Variants in ONECUT3 observed in about 807,000 individuals in gnomAD.
The protein encoded by ONECUT3 is one cut homeobox 3.
In ONECUT3, 11 loss-of-function variants were observed where a neutral mutation model predicts 16.8. That is an observed-to-expected ratio of 0.66 (90% confidence interval 0.41 to 1.09). The LOEUF is 1.09. Among genes scored for constraint, ONECUT3 ranks in the 50% least tolerant of loss-of-function variants. The pLI is 0.00. For synonymous variants in ONECUT3, 344 were observed against 310.7 expected, an observed-to-expected ratio of 1.11 and a Z score of -1.13; for missense variants, 637 against 629.9, an observed-to-expected ratio of 1.01 and a Z score of -0.12.
At chr19:1,772,557 A>T (rs948661729) in intron 1 of ONECUT3, among the ~76,000 whole-genome samples, 2 of 151,568 alleles carry the variant, frequency 1.3e-5, no homozygotes, top group Admixed American at 6.6e-5. Flanking sequence ...CTCTTCCTCT[A>T]TTTTTGAACT....
At chr19:1,760,803 G>C (rs554456290) in intron 1 of ONECUT3, among the ~76,000 whole-genome samples, 10 of 152,246 alleles carry the variant, frequency 6.6e-5, no homozygotes, top group African/African-American at 2.2e-4. Context: ...AGACAGGGAC[G>C]CTCGCCCCCA....
rs1486852036 is a variant in ONECUT3, at chr19:1,755,013, G to A, written c.1192+159G>A. ...CTATCAGGAAGCTAGACCGCGATCCGCGCCGCTGCCCGTTTGTACCGTTGC... is the reference window on the plus strand; with the variant it reads ...CTATCAGGAAGCTAGACCGCGATCCACGCCGCTGCCCGTTTGTACCGTTGC... On this transcript the variant is annotated intron_variant, in intron 1 of 1. Transcript: ENST00000382349. This position sits in a 1 kb window ranked among gnomAD's most constrained non-coding sequence, Gnocchi z 7.5. 6.6e-6 allele frequency among the ~76,000 whole-genome samples: 1 copy of A among 152,084 alleles called. No homozygotes were observed. Among genetic ancestry groups the A allele is most frequent in the Non-Finnish European group, 1.5e-5 (1 of 67,992 alleles).
Position 1,754,545 on chromosome 19 carries a change from G to GCGCACGGGC in ONECUT3, c.892_900dup (p.Pro298_Gly300dup), listed in dbSNP as rs1278794074. 1.0e-6 allele frequency: 1 copy of GCGCACGGGC among 982,872 alleles called. No individual in the cohort carries two copies. Among genetic ancestry groups the GCGCACGGGC allele is most frequent in the Non-Finnish European group, 1.2e-6 (1 of 829,752 alleles). 60.9% of individuals were successfully genotyped at this position (982,872 alleles called of 1,614,324 possible). On this transcript the variant is annotated inframe_insertion, in exon 1 of 2. Coordinates refer to ENST00000382349, the MANE Select transcript of ONECUT3 (RefSeq NM_001080488.2). The surrounding 1 kb of genome is among the most constrained non-coding windows in gnomAD (Gnocchi z 7.4). ...GCTGGGCGGGCTGGCGGCGGCCGGG[G>GCGCACGGGC]CGCACGGGCCGCACGGGGGAGGCGG...
At position 1,766,997 on chromosome 19, in the gene ONECUT3, G is replaced by A. The variant is rs1004426075; in HGVS notation, c.1193-8156G>A. On this transcript the variant is annotated intron_variant, in intron 1 of 1. Transcript: ENST00000382349. The surrounding 1 kb of genome is among the most constrained non-coding windows in gnomAD (Gnocchi z 4.0). ...GAGGAGGGGCCCCGGGCTCCGCTGCGGGGGGAGGGAGGGACTTCCTGGGGA... is the reference window on the plus strand; with the variant it reads ...GAGGAGGGGCCCCGGGCTCCGCTGCAGGGGGAGGGAGGGACTTCCTGGGGA... Among the ~76,000 whole-genome samples, 2 of 151,364 alleles carry A rather than the reference G, an allele frequency of 1.3e-5. No homozygotes were observed. Among genetic ancestry groups the A allele is most frequent in the African/African-American group, 2.4e-5 (1 of 41,196 alleles).
chr19:1,778,867 C>CACAA lies in ONECUT3; in HGVS notation c.*3425_*3426insAACA, dbSNP rs2145158133. ...GGATCCTTTTCAGATATCTTCGTAT[C>CACAA]ACACACACACACACACACACACACA... On this transcript the variant is annotated 3_prime_UTR_variant, in exon 2 of 2. Coordinates refer to ENST00000382349, the MANE Select transcript of ONECUT3 (RefSeq NM_001080488.2). The CACAA allele has an allele frequency of 1.1e-4, 1 of 8,792 alleles. No individual in the cohort carries two copies. The highest frequency in any genetic ancestry group is 9.8e-4 in the Admixed American group (1 of 1,024). 0.5% of individuals were successfully genotyped at this position (8,792 alleles called of 1,614,324 possible).
intron 1 of ONECUT3, among the ~76,000 whole-genome samples, chr19:1,763,790 C>G (rs11881895): frequency 0.047 from 7,121 of 151,140 alleles, 480 homozygotes; most frequent in East Asian, 0.24. Context: ...TTCTTCCCCC[C>G]GGCTCAGATC....
chr19:1,756,940 C>T (rs10409854), intron 1 of ONECUT3, among the ~76,000 whole-genome samples: 103 of 152,320 alleles, frequency 6.8e-4, no homozygotes, highest in African/African-American at 2.4e-3. Flanking sequence ...CTCCTGCCTC[C>T]TCTCTAGCAC....
Position 1,762,696 on chromosome 19 carries a change from G to A in ONECUT3, c.1192+7842G>A, listed in dbSNP as rs2067952759. On this transcript the variant is annotated intron_variant, in intron 1 of 1. Transcript: ENST00000382349. This position sits in a 1 kb window ranked among gnomAD's most constrained non-coding sequence, Gnocchi z 4.4. Reference sequence around the variant, plus strand: ...TTGGAGCCTCAGGGTCACTGGTGCGGGCTCCGCAGGAAAGCGCAGCCCCCA... The same window carrying A: ...TTGGAGCCTCAGGGTCACTGGTGCGAGCTCCGCAGGAAAGCGCAGCCCCCA... Among the ~76,000 whole-genome samples, 1 of 152,238 alleles carries A rather than the reference G, an allele frequency of 6.6e-6. No individual in the cohort carries two copies. The highest frequency in any genetic ancestry group is 1.5e-5 in the Non-Finnish European group (1 of 68,042).
At position 1,758,096 on chromosome 19, in the gene ONECUT3, G is replaced by A. The variant is rs1895887006; in HGVS notation, c.1192+3242G>A. Among the ~76,000 whole-genome samples, 1 of 152,190 alleles carries A rather than the reference G, an allele frequency of 6.6e-6. No individual in the cohort carries two copies. Among genetic ancestry groups the A allele is most frequent in the Non-Finnish European group, 1.5e-5 (1 of 68,018 alleles). On this transcript the variant is annotated intron_variant, in intron 1 of 1. Transcript: ENST00000382349. The surrounding 1 kb of genome is among the most constrained non-coding windows in gnomAD (Gnocchi z 5.9). Reference sequence around the variant, plus strand: ...GGGCGCCGGGGCCAGGACAGAGACGGGGACAGGGAGGGAGAAAGACCCGCA... The same window carrying A: ...GGGCGCCGGGGCCAGGACAGAGACGAGGACAGGGAGGGAGAAAGACCCGCA...
Position 1,754,891 on chromosome 19 carries a change from G to T in ONECUT3, c.1192+37G>T. 7.4e-7 allele frequency: 1 copy of T among 1,359,686 alleles called. No individual in the cohort carries two copies. Among genetic ancestry groups the T allele is most frequent in the Non-Finnish European group, 9.6e-7 (1 of 1,046,612 alleles). The allele number at this position is 1,359,686 out of a possible 1,614,324, so 84.2% of individuals were successfully genotyped here. On this transcript the variant is annotated intron_variant, in intron 1 of 1. Transcript: ENST00000382349. The surrounding 1 kb of genome is among the most constrained non-coding windows in gnomAD (Gnocchi z 7.4). ...GCGCGCAGGGCCAGACCCTGGGGGC[G>T]CCGGCTCTGGACTCCCGAGCACCTA...
intron 1 of ONECUT3, among the ~76,000 whole-genome samples, chr19:1,763,030 G>A (rs1283038838): frequency 2.0e-5 from 3 of 152,036 alleles, no homozygotes; most frequent in Admixed American, 2.0e-4. Flanking sequence ...GACCAGCCTG[G>A]GCAATAGGGA....
At chr19:1,756,137 C>T (rs77696997) in intron 1 of ONECUT3, among the ~76,000 whole-genome samples, 1 of 152,108 alleles carries the variant, frequency 6.6e-6, no homozygotes, top group East Asian at 1.9e-4. Flanking sequence ...GAGAGGACAG[C>T]GGGGTGTCCT....
intron 1 of ONECUT3, among the ~76,000 whole-genome samples, chr19:1,768,055 C>A (rs1017128094): frequency 5.9e-5 from 9 of 152,054 alleles, no homozygotes; most frequent in African/African-American, 2.2e-4. Context: ...GAATCAGGGC[C>A]TCAGTCCCCA....
At position 1,759,441 on chromosome 19, in the gene ONECUT3, C is replaced by A. The variant is rs1403244022; in HGVS notation, c.1192+4587C>A. Among the ~76,000 whole-genome samples, 1 of 151,322 alleles carries A rather than the reference C, an allele frequency of 6.6e-6. No individual in the cohort carries two copies. The highest frequency in any genetic ancestry group is 6.6e-5 in the Admixed American group (1 of 15,198). On this transcript the variant is annotated intron_variant, in intron 1 of 1. Transcript: ENST00000382349. The surrounding 1 kb of genome is among the most constrained non-coding windows in gnomAD (Gnocchi z 4.1). ...CACCCCCCACAAGCACTCTGGAACC[C>A]CCACCCAAACTCTGGATGAAGGGGA...
rs1353336939 is a variant in ONECUT3 at position 1,762,241 on chromosome 19, C to G, written c.1192+7387C>G. Among the ~76,000 whole-genome samples the G allele has an allele frequency of 6.6e-6, 1 of 152,234 alleles. No homozygotes were observed. The highest frequency in any genetic ancestry group is 1.5e-5 in the Non-Finnish European group (1 of 68,040). On this transcript the variant is annotated intron_variant, in intron 1 of 1. Transcript: ENST00000382349. This position sits in a 1 kb window ranked among gnomAD's most constrained non-coding sequence, Gnocchi z 4.4. The stretch of plus-strand genomic sequence containing the variant: ...CCTTCCGCGCGCCCCCAGCTGCGCC[C>G]GCCAGCCCTCCAACCCTCCTGCCCT...
chr19:1,775,414 C>T lies in ONECUT3; in HGVS notation c.1454C>T (p.Ala485Val). Residue 485 changes from alanine (A) to valine (V), a missense_variant, in exon 2 of 2, where the codon GCC becomes GTC. By Grantham distance (64) the Ala-to-Val change is moderately conservative. Around this residue, in one of 3 missense-constraint regions of ONECUT3, gnomAD observed 183 missense variants for 188.3 expected, o/e 0.97. Transcript: ENST00000382349. ...CCCAGCACGGCCCCCGGGGGCCCCG[C>T]CGGCGCCACGGCCACTTTCTCCAAG... ...EEPSTAPGGP[A>V]GATATFSKA The T allele has an allele frequency of 1.3e-6, 2 of 1,529,242 alleles. No homozygotes were observed. Among genetic ancestry groups the T allele is most frequent in the Non-Finnish European group, 1.8e-6 (2 of 1,140,084 alleles). 94.7% of individuals were successfully genotyped at this position (1,529,242 alleles called of 1,614,324 possible).
intron 1 of ONECUT3, among the ~76,000 whole-genome samples, chr19:1,763,680 T>G (rs917848187): frequency 6.6e-6 from 1 of 152,026 alleles, no homozygotes; most frequent in Non-Finnish European, 1.5e-5. Flanking sequence ...GTATTTCTCC[T>G]TCTTGCAAAA....
Position 1,753,838 on chromosome 19 carries a change from G to A in ONECUT3, c.176G>A (p.Gly59Asp). The stretch of plus-strand genomic sequence containing the variant: ...GCGAGCCTGCTGGACGGCGGCGGCG[G>A]CGGCGGCGGTGGGGGCGCCGGGGGC... ...GMASLLDGGG[G>D]GGGGGAGGAG... The change falls in exon 1 of 2, where the codon GGC becomes GAC. Residue 59 changes from glycine to aspartate, a missense_variant. By Grantham distance (94) the Gly-to-Asp change is moderately conservative (BLOSUM62 -1). Around this residue, in one of 3 missense-constraint regions of ONECUT3, gnomAD observed 419 missense variants for 377.9 expected, o/e 1.11. Transcript: ENST00000382349. 1.0e-6 allele frequency: 1 copy of A among 970,834 alleles called. No homozygotes were observed. The allele number at this position is 970,834 out of a possible 1,614,324, so 60.1% of individuals were successfully genotyped here.
At chr19:1,765,040 C>T (rs926837215) in intron 1 of ONECUT3, among the ~76,000 whole-genome samples, 7 of 152,130 alleles carry the variant, frequency 4.6e-5, no homozygotes, top group African/African-American at 1.2e-4. Flanking sequence ...GCGGGGTAGA[C>T]TCACGTGGCT....
Sources: allele counts gnomAD v4.1 joint callset (sites outside exome capture counted in the v4.1 genomes callset), GRCh38; gene constraint gnomAD v4.1.1; regional missense constraint gnomAD v4.1.1; non-coding constraint Gnocchi (gnomAD v3.1); transcripts MANE v1.5; gene names NCBI Gene and HGNC (gene_info 2026-07-23, HGNC 2026-07-21).